CDH17: variants seen among roughly 807,000 people sequenced by gnomAD.
CDH17 encodes the protein cadherin-17.
Under a neutral mutation model 86.3 loss-of-function variants are expected in CDH17, and 67 were observed. That is an observed-to-expected ratio of 0.78 (90% CI 0.64 to 0.95). CDH17 has a LOEUF of 0.95. Ranked by LOEUF, CDH17 falls within the 40% of genes least tolerant of loss-of-function variation. The pLI, the probability that CDH17 is intolerant of heterozygous loss-of-function variation, is 0.00. For missense variants in CDH17, 993 were observed against 1,017.6 expected, an observed-to-expected ratio of 0.98 and a Z score of 0.33; for synonymous variants, 367 against 366.4, an observed-to-expected ratio of 1.00 and a Z score of -0.02.
At chr8:94,129,045 A>G (rs17788252) in intron 17 of CDH17, among the ~76,000 whole-genome samples, 1 of 152,168 alleles carries the variant, frequency 6.6e-6, no homozygotes, top group Non-Finnish European at 1.5e-5. Flanking sequence ...AAAAGTCTGG[A>G]TGCTCAGAAA....
upstream of CDH17, among the ~76,000 whole-genome samples, chr8:94,209,941 A>G (rs185209572): frequency 4.6e-5 from 7 of 152,224 alleles, no homozygotes; most frequent in African/African-American, 1.7e-4. Flanking sequence ...TTCAAAAATA[A>G]AGTGCATATG....
intron 1 of CDH17, among the ~76,000 whole-genome samples, chr8:94,195,264 A>G (rs906460169): frequency 3.3e-5 from 5 of 152,206 alleles, no homozygotes; most frequent in Non-Finnish European, 7.3e-5. Flanking sequence ...CGGCCTCCCA[A>G]AGTGCTGGGA....
chr8:94,210,214 G>T (rs1357361849), upstream of CDH17, among the ~76,000 whole-genome samples: 2 of 94,202 alleles, frequency 2.1e-5, no homozygotes, highest in Non-Finnish European at 3.8e-5. Context: ...TTTCCTTCCA[G>T]CTTTATGCGA....
intron 1 of CDH17, among the ~76,000 whole-genome samples, chr8:94,213,927 A>G (rs576037752): frequency 6.6e-6 from 1 of 151,990 alleles, no homozygotes; most frequent in African/African-American, 2.4e-5. Context: ...CTTGGGCCCA[A>G]TCCCAGGTTA....
At chr8:94,139,328 A>G (rs1418298578) in intron 15 of CDH17, among the ~76,000 whole-genome samples, 3 of 152,192 alleles carry the variant, frequency 2.0e-5, no homozygotes, top group African/African-American at 7.2e-5. Context: ...CTTTGAGACA[A>G]CTTCAAGTGG....
intron 1 of CDH17, among the ~76,000 whole-genome samples, chr8:94,200,793 G>T (rs1203828251): frequency 6.6e-6 from 1 of 151,910 alleles, no homozygotes; most frequent in Non-Finnish European, 1.5e-5. Context: ...TCTGCATCCA[G>T]CCCGGATAAC....
At chr8:94,186,158 T>C (rs1813576404) in intron 3 of CDH17, among the ~76,000 whole-genome samples, 1 of 152,176 alleles carries the variant, frequency 6.6e-6, no homozygotes, top group South Asian at 2.1e-4. Context: ...ATATTAACAC[T>C]GTCTGAGACC....
chr8:94,154,247 T>C (rs1217549038), intron 12 of CDH17, among the ~76,000 whole-genome samples: 1 of 152,224 alleles, frequency 6.6e-6, no homozygotes, highest in African/African-American at 2.4e-5. Context: ...GAGTCTTTTC[T>C]GCAGGTCTTA....
chr8:94,212,482 G>A (rs1177687307), upstream of CDH17, among the ~76,000 whole-genome samples: 1 of 144,506 alleles, frequency 6.9e-6, no homozygotes, highest in African/African-American at 2.6e-5. Context: ...TTTGTTTGGA[G>A]GCTTCTCTGT....
intron 1 of CDH17, among the ~76,000 whole-genome samples, chr8:94,200,915 A>G (rs1326595142): frequency 6.6e-6 from 1 of 152,206 alleles, no homozygotes; most frequent in Non-Finnish European, 1.5e-5. Flanking sequence ...AGCAGATGCT[A>G]TTATAATATA....
intron 12 of CDH17, among the ~76,000 whole-genome samples, chr8:94,158,477 T>C (rs1325735845): frequency 6.6e-6 from 1 of 152,162 alleles, no homozygotes; most frequent in East Asian, 1.9e-4. Flanking sequence ...CATACTGGGA[T>C]GGATGGGCCT....
chr8:94,151,757 C>T, intron 13 of CDH17, 111 bp downstream of exon 13: 1 of 1,386,784 alleles, frequency 7.2e-7, no homozygotes. Flanking sequence ...TTCATCATTG[C>T]TGGGTATGCT....
intron 15 of CDH17, among the ~76,000 whole-genome samples, chr8:94,139,592 A>G (rs1812596025): frequency 6.6e-6 from 1 of 152,216 alleles, no homozygotes; most frequent in African/African-American, 2.4e-5. Flanking sequence ...ACAAACATTC[A>G]ATGGAACAAG....
Position 94,177,594 on chromosome 8 carries a change from T to A in CDH17, c.278A>T (p.Asn93Ile), listed in dbSNP as rs1470590838. 1 of 1,613,742 alleles carries A rather than the reference T, an allele frequency of 6.2e-7. No homozygotes were observed. Among genetic ancestry groups the A allele is most frequent in the Admixed American group, 1.7e-5 (1 of 60,000 alleles). Residue 93 changes from asparagine (N) to isoleucine (I), a missense_variant, in exon 4 of 18, where the codon AAT becomes ATT. Asn to Ile is a moderately radical substitution (Grantham distance 149). Transcript: ENST00000027335. ...ALDRETRSTH[N>I]LQVAALDANG... Reference sequence around the variant, plus strand: ...CAGCTGGTATCAATTTACCTGGAGATTGTGAGTAGATCTTGTTTCCCTGTC... The same window carrying A: ...CAGCTGGTATCAATTTACCTGGAGAATGTGAGTAGATCTTGTTTCCCTGTC...
intron 2 of CDH17, among the ~76,000 whole-genome samples, chr8:94,190,983 CT>C (rs1400034375): frequency 1.3e-5 from 2 of 152,158 alleles, no homozygotes; most frequent in African/African-American, 4.8e-5. Context: ...TTTGCTGCCC[CT>C]GGGCCACTGC....
At chr8:94,210,225 G>GAAA (rs1563594359), upstream of CDH17, among the ~76,000 whole-genome samples, 10 of 16,110 alleles carry the variant, frequency 6.2e-4, no homozygotes, top group Non-Finnish European at 1.1e-3. Context: ...CTTTATGCGA[G>GAAA]TAAAAAAAAA....
In CDH17 at chr8:94,177,614, C is replaced by T. The variant is rs1586264477; in HGVS notation, c.258G>A (p.Arg86=). The T allele has an allele frequency of 6.2e-7, 1 of 1,613,602 alleles. No homozygotes were observed. The highest frequency in any genetic ancestry group is 8.5e-7 in the Non-Finnish European group (1 of 1,179,724). ...GLLYYNRALD[R]ETRSTHNLQV... is the part of the protein sequence containing the mutation. ...GGAGATTGTGAGTAGATCTTGTTTC[C>T]CTGTCCAAGGCTCTGTTGTAATACA... The change falls in exon 4 of 18, where the codon AGG becomes AGA. Residue 86 remains arginine, a synonymous_variant. Transcript: ENST00000027335.
chr8:94,192,480 G>C (rs751770204), intron 2 of CDH17, among the ~76,000 whole-genome samples: 2 of 152,186 alleles, frequency 1.3e-5, no homozygotes, highest in Non-Finnish European at 2.9e-5. Flanking sequence ...TATGAAGAAA[G>C]TATCTCCAGA....
chr8:94,216,460 G>A (rs182657611), intron 1 of CDH17, among the ~76,000 whole-genome samples: 5 of 152,142 alleles, frequency 3.3e-5, no homozygotes, highest in African/African-American at 1.2e-4. Flanking sequence ...GGCCGGCGGA[G>A]GACCCTCACT....
Sources: allele counts gnomAD v4.1 joint callset (sites outside exome capture counted in the v4.1 genomes callset), GRCh38; gene constraint gnomAD v4.1.1; transcripts MANE v1.5; gene names NCBI Gene and HGNC (gene_info 2026-07-23, HGNC 2026-07-21).